The following CEP41 variants were observed in gnomAD, a reference collection of about 807,000 sequenced individuals.
The protein encoded by CEP41 is centrosomal protein 41.
A neutral mutation model predicts 44.3 loss-of-function variants in CEP41; 32 were observed. The ratio of observed to expected loss-of-function variants is 0.72; its 90% CI spans 0.54 to 0.97. CEP41 has a LOEUF of 0.97. Among genes scored for constraint, CEP41 ranks in the 50% least tolerant of loss-of-function variants. The probability of loss-of-function intolerance (pLI) is 0.00; values close to 1 mark genes in which losing one functional copy is unlikely to be tolerated. For synonymous variants in CEP41, 151 were observed against 168.5 expected (o/e 0.90, Z 0.80); for missense variants, 432 against 455.2 (o/e 0.95, Z 0.46).
At chr7:130,419,486 T>G in intron 2 of CEP41, 1 of 984,480 alleles carries the variant, frequency 1.0e-6, no homozygotes, top group Non-Finnish European at 1.2e-6. Flanking sequence ...TTAAAAAGAT[T>G]GGAAATGAAT....
At chr7:130,413,821 T>C (rs1252318334) in intron 3 of CEP41, among the ~76,000 whole-genome samples, 1 of 152,198 alleles carries the variant, frequency 6.6e-6, no homozygotes, top group Non-Finnish European at 1.5e-5. Context: ...TGAATGGTTT[T>C]CAGTGTTGAA....
Position 130,397,123 on chromosome 7 carries a change from C to T in CEP41, c.*1768G>A, listed in dbSNP as rs552499760. On this transcript the variant is annotated 3_prime_UTR_variant, in exon 11 of 11. Transcript: ENST00000223208. The stretch of plus-strand genomic sequence containing the variant: ...TGAGTGTGGAAAAATGTGCATTTTT[C>T]TATCTATGCTGTAAAGAAAATACAA... 12 of 454,436 alleles carry T rather than the reference C, an allele frequency of 2.6e-5. No individual in the cohort carries two copies. Among genetic ancestry groups the T allele is most frequent in the South Asian group, 1.9e-4 (12 of 64,474 alleles). 28.2% of individuals were successfully genotyped at this position (454,436 alleles called of 1,614,324 possible). A position where few individuals can be genotyped will look rare whatever the true frequency, so the allele number is the denominator to read the frequency against.
rs1796749960 is a variant in CEP41, at chr7:130,398,778, C to A, written c.*113G>T. On this transcript the variant is annotated 3_prime_UTR_variant, in exon 11 of 11. Transcript: ENST00000223208. ...GGACAGGGAAGAGGCCTATCCCATA[C>A]ATATGTCATGGTCTTTCCTCTGCAG... 7.9e-7 allele frequency: 1 copy of A among 1,264,108 alleles called. No individual in the cohort carries two copies. Among genetic ancestry groups the A allele is most frequent in the East Asian group, 2.3e-5 (1 of 43,200 alleles). The allele number at this position is 1,264,108 out of a possible 1,614,324, so 78.3% of individuals were successfully genotyped here.
At position 130,397,506 on chromosome 7, in the gene CEP41, A is replaced by ATTTTTT. The variant is rs55776575; in HGVS notation, c.*1379_*1384dup. 2.0e-4 allele frequency: 60 copies of ATTTTTT among 303,730 alleles called. No homozygotes were observed. The highest frequency in any genetic ancestry group is 6.0e-4 in the East Asian group (6 of 10,062). The allele number at this position is 303,730 out of a possible 1,614,324, so 18.8% of individuals were successfully genotyped here. On this transcript the variant is annotated 3_prime_UTR_variant, in exon 11 of 11. Transcript: ENST00000223208. ...CCCCATGCTAGAAATACTGTGGTGC[A>ATTTTTT]TTTTTTTTTTTTTTTTTTTTTTTTT... is the stretch of plus-strand genomic sequence containing the variant.
chr7:130,430,839 T>C (rs1236055833), intron 1 of CEP41, among the ~76,000 whole-genome samples: 2 of 152,156 alleles, frequency 1.3e-5, no homozygotes, highest in African/African-American at 2.4e-5. Context: ...AAGCTTCTTT[T>C]AAAAATTCCA....
chr7:130,411,017 C>G (rs781991023), intron 5 of CEP41, 105 bp downstream of exon 5: 32 of 936,940 alleles, frequency 3.4e-5, no homozygotes, highest in Non-Finnish European at 1.4e-5. Flanking sequence ...CAAATAGATA[C>G]ATCAAAGTCC....
Position 130,397,047 on chromosome 7 carries a change from A to G in CEP41, c.*1844T>C, listed in dbSNP as rs1373770190. 4 of 454,222 alleles carry G rather than the reference A, an allele frequency of 8.8e-6. No individual in the cohort carries two copies. In the East Asian group the frequency reaches 2.8e-4, roughly 32 times the overall value. 28.1% of individuals were successfully genotyped at this position (454,222 alleles called of 1,614,324 possible). On this transcript the variant is annotated 3_prime_UTR_variant, in exon 11 of 11. Transcript: ENST00000223208. ...AGAGAAAAATCTTTTTTCCTTAAAAATGTATATGTGGCAAAAATGGCTGAA... is the reference window on the plus strand; with the variant it reads ...AGAGAAAAATCTTTTTTCCTTAAAAGTGTATATGTGGCAAAAATGGCTGAA...
rs782371437 is a variant in CEP41, at chr7:130,398,976, T to C, written c.1037A>G (p.Gln346Arg). 9 of 1,614,126 alleles carry C rather than the reference T, an allele frequency of 5.6e-6. No homozygotes were observed. The African/African-American group carries it at 1.1e-4, about 19-fold the overall frequency. The change falls in exon 11 of 11, where the codon CAG becomes CGG. Residue 346 changes from glutamine to arginine, a missense_variant. Physicochemically the swap from Gln to Arg is conservative, Grantham distance 43. Coordinates refer to ENST00000223208, the MANE Select transcript of CEP41 (RefSeq NM_018718.3). The part of the protein sequence containing the change: ...ESKVPGARSA[Q>R]NLPGGGPASH... Reference sequence around the variant, plus strand: ...GGCGGGGCCGCCACCTGGCAGATTCTGAGCGCTTCGGGCACCAGGCACCTT... The same window carrying C: ...GGCGGGGCCGCCACCTGGCAGATTCCGAGCGCTTCGGGCACCAGGCACCTT...
At chr7:130,403,898 C>A (rs1341709886) in intron 6 of CEP41, among the ~76,000 whole-genome samples, 1 of 152,138 alleles carries the variant, frequency 6.6e-6, no homozygotes, top group Non-Finnish European at 1.5e-5. Context: ...ATGATGATAG[C>A]AATTCTTTCT....
rs781904558 is a variant in CEP41, at chr7:130,404,689, T to C, written c.297A>G (p.Ser99=). 2 of 1,611,870 alleles carry C rather than the reference T, an allele frequency of 1.2e-6. No homozygotes were observed. The highest frequency in any genetic ancestry group is 1.7e-6 in the Non-Finnish European group (2 of 1,177,934). The change falls in exon 6 of 11, where the codon TCA becomes TCG. Residue 99 remains serine (S), a synonymous_variant. Coordinates refer to ENST00000223208, the MANE Select transcript of CEP41 (RefSeq NM_018718.3). ...TGGCAGTGGTTTCAGCATCAGGGTCTGAAGCTGCAGAATCATTGTCTAATA... is the reference window on the plus strand; with the variant it reads ...TGGCAGTGGTTTCAGCATCAGGGTCCGAAGCTGCAGAATCATTGTCTAATA... ...QRLEDNDSAA[S]DPDAETTART... is the part of the protein sequence containing the mutation.
intron 1 of CEP41, among the ~76,000 whole-genome samples, chr7:130,435,955 C>T (rs988461023): frequency 6.6e-6 from 1 of 152,104 alleles, no homozygotes; most frequent in African/African-American, 2.4e-5. Context: ...GAGTTCAAGA[C>T]CAGCCTGGCC....
chr7:130,437,491 T>C (rs1554426377), intron 1 of CEP41, among the ~76,000 whole-genome samples: 1 of 151,912 alleles, frequency 6.6e-6, no homozygotes, highest in Admixed American at 6.6e-5. Flanking sequence ...ATGCTGATGA[T>C]GGCCAGGTGT....
At chr7:130,422,098 G>A in intron 2 of CEP41, 4 of 1,460,364 alleles carry the variant, frequency 2.7e-6, no homozygotes, top group Non-Finnish European at 1.8e-6. Flanking sequence ...ATGAGAAGCA[G>A]AGCCAGAGGT....
rs562960882 is a variant in CEP41 at position 130,440,901 on chromosome 7, C to A, written c.33+33G>T. On this transcript the variant is annotated intron_variant, in intron 1 of 10. Coordinates refer to ENST00000223208, the MANE Select transcript of CEP41 (RefSeq NM_018718.3). ...TGAGCCTTTTCCGGTGCGCCCGCCC[C>A]CTCCGGCTCTCCGGCCGAGACCTGG... 7 of 1,608,942 alleles carry A rather than the reference C, an allele frequency of 4.4e-6. No homozygotes were observed. The East Asian group carries it at 6.7e-5, about 15-fold the overall frequency.
intron 8 of CEP41, 81 bp from the exon 9 acceptor site, chr7:130,400,902 C>G (rs1388221827): frequency 1.1e-6 from 1 of 909,828 alleles, no homozygotes; most frequent in Non-Finnish European, 1.8e-6. Context: ...AATAAAAGGT[C>G]AGGTCCACCT....
At chr7:130,422,674 C>CA (rs1353523283) in intron 2 of CEP41, among the ~76,000 whole-genome samples, 5 of 151,902 alleles carry the variant, frequency 3.3e-5, no homozygotes, top group African/African-American at 7.3e-5. Flanking sequence ...TTTGAAACAA[C>CA]AAAAAAAATC....
intron 10 of CEP41, chr7:130,399,314 T>G: frequency 2.1e-6 from 1 of 481,378 alleles, no homozygotes; most frequent in Non-Finnish European, 3.8e-6. Flanking sequence ...CCTCCACTAC[T>G]TCCTTGGTAG....
At chr7:130,437,264 G>A (rs1797993936) in intron 1 of CEP41, among the ~76,000 whole-genome samples, 1 of 151,692 alleles carries the variant, frequency 6.6e-6, no homozygotes, top group Non-Finnish European at 1.5e-5. Flanking sequence ...GAAAATAGGA[G>A]AGAGAAAGTT....
intron 1 of CEP41, among the ~76,000 whole-genome samples, chr7:130,436,735 TA>T (rs1262207990): frequency 1.7e-4 from 26 of 151,960 alleles, no homozygotes; most frequent in Admixed American, 2.6e-4. Flanking sequence ...ACAGAGCTCT[TA>T]AAAATTAAAA....
Sources: allele counts gnomAD v4.1 joint callset (sites outside exome capture counted in the v4.1 genomes callset), GRCh38; gene constraint gnomAD v4.1.1; transcripts MANE v1.5; gene names NCBI Gene and HGNC (gene_info 2026-07-23, HGNC 2026-07-21).